The following PODN variants were observed in gnomAD, a reference collection of about 807,000 sequenced individuals.
PODN encodes the protein podocan, also known as podocan proteoglycan.
A neutral mutation model predicts 52.7 loss-of-function variants in PODN; 40 were observed. That is an observed-to-expected ratio of 0.76 (90% confidence interval 0.59 to 0.99). The LOEUF is 0.99. PODN is among the 50% of genes least tolerant of loss of function. PODN has a pLI of 0.00. For missense variants in PODN, 720 were observed against 815.1 expected, an observed-to-expected ratio of 0.88 and a Z score of 1.42; for synonymous variants, 396 against 377.9, an observed-to-expected ratio of 1.05 and a Z score of -0.56.
Position 53,077,074 on chromosome 1 carries a change from C to T in PODN, c.582-116C>T, listed in dbSNP as rs77629792. On this transcript the variant is annotated intron_variant, in intron 5 of 10. Coordinates refer to ENST00000312553, the MANE Select transcript of PODN (RefSeq NM_153703.5). ...CATCTGAGGTGCTTCTAACTCTGTA[C>T]CCTTGAGTTTGGATGGAAGGAGAGC... The T allele has an allele frequency of 2.8e-4, 363 of 1,304,288 alleles. 4 individuals carry two copies. In the African/African-American group the frequency reaches 4.9e-3, roughly 17 times the overall value. 80.8% of individuals were successfully genotyped at this position (1,304,288 alleles called of 1,614,324 possible).
chr1:53,069,119 A>C (rs1293949847), intron 1 of PODN, among the ~76,000 whole-genome samples: 1 of 152,050 alleles, frequency 6.6e-6, no homozygotes, highest in Admixed American at 6.5e-5. Flanking sequence ...AACCCAACCC[A>C]ACTAATGCTA....
intron 1 of PODN, among the ~76,000 whole-genome samples, chr1:53,069,450 TG>T (rs1305460331): frequency 1.3e-5 from 2 of 152,170 alleles, no homozygotes; most frequent in Non-Finnish European, 2.9e-5. Context: ...GGCCTGTGGC[TG>T]CTGGAGGAGG....
chr1:53,063,934 G>T (rs12058200), intron 1 of PODN, among the ~76,000 whole-genome samples: 8,190 of 151,940 alleles, frequency 0.054, 693 homozygotes, highest in African/African-American at 0.19. Flanking sequence ...TTAAACACAC[G>T]TCCCTCTCCT....
chr1:53,082,033 A>C lies in PODN; in HGVS notation c.1714A>C (p.Lys572Gln). The change falls in exon 10 of 11, where the codon AAG (lysine) becomes CAG (glutamine). Residue 572 changes from lysine (K) to glutamine (Q), a missense_variant. Physicochemically the swap from Lys to Gln is moderately conservative, Grantham distance 53. Coordinates refer to ENST00000312553, the MANE Select transcript of PODN (RefSeq NM_153703.5). The part of the protein sequence containing the change: ...SVVDSAFRRL[K>Q]HLQVLDIEGN... Reference sequence around the variant, plus strand: ...GGTGGACAGTGCCTTCCGGAGGCTGAAGCACCTGCAGGTCTTGGACATTGA... The same window carrying C: ...GGTGGACAGTGCCTTCCGGAGGCTGCAGCACCTGCAGGTCTTGGACATTGA... The C allele has an allele frequency of 6.2e-7, 1 of 1,613,532 alleles. No individual in the cohort carries two copies. The highest frequency in any genetic ancestry group is 8.5e-7 in the Non-Finnish European group (1 of 1,179,704).
chr1:53,064,046 A>G (rs1374404129), intron 1 of PODN, among the ~76,000 whole-genome samples: 1 of 152,254 alleles, frequency 6.6e-6, no homozygotes, highest in Admixed American at 6.5e-5. Flanking sequence ...TTCAAGGCCA[A>G]CTCAAGGCTC....
In PODN at chr1:53,078,433, C is replaced by T. The variant is rs754005467; in HGVS notation, c.923C>T (p.Pro308Leu). Reference sequence around the variant, plus strand: ...CTGTCTCGGGTCCCAGCTGGGCTGCCGCGCAGCCTGGTGCTGCTGCACTTG... The same window carrying T: ...CTGTCTCGGGTCCCAGCTGGGCTGCTGCGCAGCCTGGTGCTGCTGCACTTG... ...NNLSRVPAGL[P>L]RSLVLLHLEK... Residue 308 changes from proline to leucine, a missense_variant, in exon 8 of 11, where the codon CCG (proline) becomes CTG (leucine). Physicochemically the swap from Pro to Leu is moderately conservative, Grantham distance 98. Transcript: ENST00000312553. 2.2e-5 allele frequency: 35 copies of T among 1,613,316 alleles called. No individual in the cohort carries two copies. The highest frequency in any genetic ancestry group is 6.7e-5 in the East Asian group (3 of 44,894).
At chr1:53,074,456 G>C in intron 3 of PODN, 150 bp from the exon 4 acceptor site, 1 of 824,422 alleles carries the variant, frequency 1.2e-6, no homozygotes. Flanking sequence ...AACAGGGCTG[G>C]GCAGGCCCCC....
chr1:53,062,448 C>G, intron 1 of PODN, 140 bp downstream of exon 1: 1 of 595,366 alleles, frequency 1.7e-6, no homozygotes, highest in Non-Finnish European at 2.5e-6. Flanking sequence ...TCTGTAGGAC[C>G]CTGCACCCAG....
At chr1:53,062,432 A>C in intron 1 of PODN, 124 bp downstream of exon 1, 1 of 684,696 alleles carries the variant, frequency 1.5e-6, no homozygotes, top group Non-Finnish European at 2.1e-6. Context: ...GCCGCATCTC[A>C]CCCCCTCTGT....
At chr1:53,067,014 G>A in intron 1 of PODN, 1 of 732,748 alleles carries the variant, frequency 1.4e-6, no homozygotes, top group Non-Finnish European at 2.3e-6. Context: ...ATGGGCAAGT[G>A]GCTAATGGCT....
chr1:53,071,855 T>C (rs1644123832), intron 3 of PODN, among the ~76,000 whole-genome samples: 1 of 151,868 alleles, frequency 6.6e-6, no homozygotes, highest in African/African-American at 2.4e-5. Flanking sequence ...TTCTTTCTTT[T>C]TTTTTTTGAC....
chr1:53,078,259 T>C, intron 7 of PODN, 106 bp from the exon 8 acceptor site: 2 of 1,169,344 alleles, frequency 1.7e-6, no homozygotes, highest in Non-Finnish European at 2.4e-6. Flanking sequence ...GCAGCAGAGC[T>C]GGGAGGAGCT....
intron 3 of PODN, among the ~76,000 whole-genome samples, chr1:53,071,886 C>T (rs1197219374): frequency 1.3e-5 from 2 of 151,762 alleles, no homozygotes; most frequent in East Asian, 1.9e-4. Context: ...ACTTTAATAA[C>T]AATACATATA....
At position 53,070,119 on chromosome 1, in the gene PODN, T is replaced by C; in HGVS notation, c.264T>C (p.Arg88=). 6.2e-7 allele frequency: 1 copy of C among 1,612,172 alleles called. No homozygotes were observed. The highest frequency in any genetic ancestry group is 8.5e-7 in the Non-Finnish European group (1 of 1,179,992). Residue 88 remains arginine (R), a synonymous_variant, in exon 2 of 11, where the codon CGT becomes CGC. Transcript: ENST00000312553. The part of the protein sequence containing the change: ...GVVDCGGIDL[R]EFPGDLPEHT... ...TGGACTGTGGCGGTATTGACCTGCG[T>C]GAGTTCCCGGGGGACCTGCCTGAGC...
At chr1:53,072,308 T>C (rs1205159097) in intron 3 of PODN, among the ~76,000 whole-genome samples, 1 of 152,222 alleles carries the variant, frequency 6.6e-6, no homozygotes, top group Non-Finnish European at 1.5e-5. Flanking sequence ...TTTTCATGTT[T>C]ACACTTGTGA....
intron 10 of PODN, 137 bp from the exon 11 acceptor site, chr1:53,084,371 GCCAAC>G (rs1644333146): frequency 6.6e-6 from 1 of 152,062 alleles, no homozygotes; most frequent in Non-Finnish European, 1.5e-5. Flanking sequence ...GGCTCCCAGG[GCCAAC>G]GCTCCCTCCC....
chr1:53,066,664 C>T lies in PODN; in HGVS notation c.-55-3137C>T, dbSNP rs573508025. The T allele has an allele frequency of 1.5e-4, 90 of 614,728 alleles. 1 individual carries two copies. In the Admixed American group the frequency reaches 2.1e-3, roughly 14 times the overall value. The allele number at this position is 614,728 out of a possible 1,614,324, so 38.1% of individuals were successfully genotyped here. ...GAGCAGCGTAGCATTGTTGATATGACGTGGGCTGGGAGCTCAGCTTTGCCA... is the reference window on the plus strand; with the variant it reads ...GAGCAGCGTAGCATTGTTGATATGATGTGGGCTGGGAGCTCAGCTTTGCCA... On this transcript the variant is annotated intron_variant, in intron 1 of 10. Transcript: ENST00000312553.
chr1:53,070,296 AC>A (rs1364897766), intron 2 of PODN, 129 bp downstream of exon 2: 2 of 1,392,558 alleles, frequency 1.4e-6, no homozygotes, highest in African/African-American at 1.4e-5. Context: ...TCCACTCCCA[AC>A]CACAGGGTGC....
Position 53,069,882 on chromosome 1 carries a change from C to T in PODN, c.27C>T (p.Leu9=). The change falls in exon 2 of 11, where the codon CTC becomes CTT. Residue 9 remains leucine (L), a synonymous_variant. Coordinates refer to ENST00000312553, the MANE Select transcript of PODN (RefSeq NM_153703.5). MAQSRVLL[L]LLLLPPQLHL... Reference sequence around the variant, plus strand: ...TGGCCCAGAGCCGGGTGCTGCTGCTCCTGCTGCTGCTGCCGCCACAGCTGC... The same window carrying T: ...TGGCCCAGAGCCGGGTGCTGCTGCTTCTGCTGCTGCTGCCGCCACAGCTGC... 6.4e-7 allele frequency: 1 copy of T among 1,567,044 alleles called. No individual in the cohort carries two copies.
Sources: allele counts gnomAD v4.1 joint callset (sites outside exome capture counted in the v4.1 genomes callset), GRCh38; gene constraint gnomAD v4.1.1; transcripts MANE v1.5; gene names NCBI Gene and HGNC (gene_info 2026-07-23, HGNC 2026-07-21).